SEPTIN10: variants seen among roughly 807,000 people sequenced by gnomAD.
SEPTIN10 encodes septin-10.
Under a neutral mutation model 54.8 loss-of-function variants are expected in SEPTIN10, and 66 were observed. The observed-to-expected ratio is 1.21, with a 90% confidence interval of 0.99 to 1.48. The LOEUF (loss-of-function observed/expected upper bound fraction) is 1.48, where lower values mean the gene tolerates loss of function less well. Among genes scored for constraint, SEPTIN10 ranks in the 40% most tolerant of loss-of-function variants. The probability of loss-of-function intolerance (pLI) is 0.00; values close to 1 mark genes in which losing one functional copy is unlikely to be tolerated. For synonymous variants in SEPTIN10, 161 were observed against 181.0 expected (o/e 0.89, Z 0.89); for missense variants, 620 against 545.6 (o/e 1.14, Z -1.36).
chr2:109,574,827 C>T (rs1689292229), intron 4 of SEPTIN10, 60 bp from the exon 5 acceptor site: 2 of 1,256,740 alleles, frequency 1.6e-6, no homozygotes. Flanking sequence ...GATATCTGTG[C>T]AACTCTTAGA....
intron 2 of SEPTIN10, among the ~76,000 whole-genome samples, chr2:109,590,887 AC>A (rs1693911781): frequency 6.6e-6 from 1 of 152,206 alleles, no homozygotes; most frequent in Non-Finnish European, 1.5e-5. Flanking sequence ...AATTCTGCCA[AC>A]AACCAGAAAG....
At chr2:109,608,351 T>C (rs1187905460) in intron 1 of SEPTIN10, among the ~76,000 whole-genome samples, 1 of 152,194 alleles carries the variant, frequency 6.6e-6, no homozygotes. Flanking sequence ...GTGAACTCTT[T>C]CTATGTAACA....
At position 109,613,905 on chromosome 2, in the gene SEPTIN10, G is replaced by A; in HGVS notation, c.-78C>T. ...CTGGTCCCGGCGACGGCGGCGGGAA[G>A]GCCGGAGGGCAGAAGCAACGGGCGG... On this transcript the variant is annotated 5_prime_UTR_variant, in exon 1 of 11. Coordinates refer to ENST00000397712, the MANE Select transcript of SEPTIN10 (RefSeq NM_144710.5). 4 of 1,228,494 alleles carry A rather than the reference G, an allele frequency of 3.3e-6. No individual in the cohort carries two copies. Among genetic ancestry groups the A allele is most frequent in the Non-Finnish European group, 4.1e-6 (4 of 985,998 alleles). The allele number at this position is 1,228,494 out of a possible 1,614,324, so 76.1% of individuals were successfully genotyped here. A position where few individuals can be genotyped will look rare whatever the true frequency, so the allele number is the denominator to read the frequency against.
At chr2:109,544,453 A>G in intron 10 of SEPTIN10, 129 bp from the exon 11 acceptor site, 1 of 1,397,002 alleles carries the variant, frequency 7.2e-7, no homozygotes, top group Admixed American at 3.1e-5. Flanking sequence ...AAAAAACCAA[A>G]AACACCAAAC....
chr2:109,566,287 A>C (rs990791632), intron 6 of SEPTIN10, among the ~76,000 whole-genome samples: 1 of 151,698 alleles, frequency 6.6e-6, no homozygotes, highest in East Asian at 1.9e-4. Flanking sequence ...CATCCAGCTA[A>C]TTTTTGCATT....
chr2:109,551,797 C>CTTCAAGAAATCATGTATT (rs1254201328), intron 9 of SEPTIN10, among the ~76,000 whole-genome samples: 1 of 152,174 alleles, frequency 6.6e-6, no homozygotes, highest in Admixed American at 6.5e-5. Flanking sequence ...CAGATTAACT[C>CTTCAAGAAATCATGTATT]TTCAAGAAAT....
chr2:109,552,229 A>G (rs1683142405), intron 9 of SEPTIN10, among the ~76,000 whole-genome samples: 1 of 152,206 alleles, frequency 6.6e-6, no homozygotes, highest in Admixed American at 6.5e-5. Context: ...CTTCCAGGAA[A>G]CGGGTCCCTG....
At position 109,544,342 on chromosome 2, in the gene SEPTIN10, CT is replaced by C. The variant is rs774836223; in HGVS notation, c.1350-19del. On this transcript the variant is annotated intron_variant, in intron 10 of 10. Transcript: ENST00000397712. ...AATTGGAGCTGGAAAGAAAAAGAAC[CT>C]TTTGATTGGTACAATTTAAAAAAAA... The C allele has an allele frequency of 2.3e-5, 37 of 1,579,128 alleles. No individual in the cohort carries two copies. The highest frequency in any genetic ancestry group is 1.7e-4 in the Middle Eastern group (1 of 5,836).
intron 9 of SEPTIN10, among the ~76,000 whole-genome samples, chr2:109,547,467 T>C (rs1681588488): frequency 6.6e-6 from 1 of 151,924 alleles, no homozygotes. Context: ...TAAATGAGTT[T>C]CAAGAGATTT....
At chr2:109,552,689 C>A in intron 9 of SEPTIN10, 1 of 178,530 alleles carries the variant, frequency 5.6e-6, no homozygotes, top group African/African-American at 2.4e-5. Context: ...AGTCGTGTTT[C>A]TTCTTTTAGC....
At chr2:109,570,091 G>C (rs540403112) in intron 5 of SEPTIN10, among the ~76,000 whole-genome samples, 1 of 152,034 alleles carries the variant, frequency 6.6e-6, no homozygotes, top group East Asian at 1.9e-4. Context: ...GCATATCCTA[G>C]TTTTTCTTTT....
At chr2:109,572,385 G>A (rs575149776) in intron 5 of SEPTIN10, among the ~76,000 whole-genome samples, 115 of 152,050 alleles carry the variant, frequency 7.6e-4, no homozygotes, top group African/African-American at 2.5e-3. Flanking sequence ...TGCCCGCCTC[G>A]GCCTCCCAAA....
intron 6 of SEPTIN10, among the ~76,000 whole-genome samples, chr2:109,567,496 A>G (rs1687311365): frequency 6.6e-6 from 1 of 152,202 alleles, no homozygotes; most frequent in African/African-American, 2.4e-5. Context: ...TCATGTTTAT[A>G]AAGACAGGGT....
chr2:109,545,950 A>C, intron 10 of SEPTIN10, 100 bp downstream of exon 10: 1 of 1,477,706 alleles, frequency 6.8e-7, no homozygotes, highest in East Asian at 2.3e-5. Flanking sequence ...GAAGGAAGAC[A>C]AAGCATAAGG....
intron 4 of SEPTIN10, among the ~76,000 whole-genome samples, chr2:109,575,409 T>A (rs1386365756): frequency 2.0e-5 from 3 of 152,262 alleles, no homozygotes. Flanking sequence ...TAACTAGTAA[T>A]GGTGGCACGT....
intron 1 of SEPTIN10, among the ~76,000 whole-genome samples, chr2:109,601,132 A>G (rs891423685): frequency 8.5e-5 from 13 of 152,166 alleles, no homozygotes; most frequent in African/African-American, 3.1e-4. Context: ...ACCACTGGTC[A>G]CTGGTATCAA....
At chr2:109,583,960 G>T (rs1490832978) in intron 4 of SEPTIN10, among the ~76,000 whole-genome samples, 1 of 152,112 alleles carries the variant, frequency 6.6e-6, no homozygotes, top group Non-Finnish European at 1.5e-5. Context: ...TGGATATAAA[G>T]ATGGCAACAA....
intron 2 of SEPTIN10, among the ~76,000 whole-genome samples, chr2:109,592,464 C>G (rs1292382780): frequency 7.5e-6 from 1 of 132,564 alleles, no homozygotes; most frequent in Non-Finnish European, 1.6e-5. Flanking sequence ...AGCTCTGTCT[C>G]AAAAAACAAA....
At chr2:109,595,949 G>A (rs891754374) in intron 1 of SEPTIN10, among the ~76,000 whole-genome samples, 2 of 152,220 alleles carry the variant, frequency 1.3e-5, no homozygotes, top group African/African-American at 4.8e-5. Context: ...CTCAGCATCT[G>A]TGTCTACTAT....
Sources: gnomAD v4.1 joint callset for allele counts (sites outside exome capture counted in the v4.1 genomes callset) on GRCh38, gnomAD v4.1.1 for gene constraint, MANE v1.5 for transcripts, NCBI Gene and HGNC (gene_info 2026-07-23, HGNC 2026-07-21) for gene names.